YME1L1: variants seen among roughly 807,000 people sequenced by gnomAD.
YME1L1 encodes ATP-dependent zinc metalloprotease YME1L1.
A neutral mutation model predicts 90.4 loss-of-function variants in YME1L1; 39 were observed. The observed-to-expected ratio is 0.43, with a 90% CI of 0.33 to 0.56. The LOEUF is 0.56. Among genes scored for constraint, YME1L1 ranks in the 20% least tolerant of loss-of-function variants. The pLI is 0.03. For missense variants in YME1L1, 617 were observed against 868.4 expected (o/e 0.71, Z 3.64); for synonymous variants, 284 against 287.3 (o/e 0.99, Z 0.12).
rs1464231311 is a variant in YME1L1, at chr10:27,111,907, A to G, written c.*70T>C. 2 of 1,564,908 alleles carry G rather than the reference A, an allele frequency of 1.3e-6. No homozygotes were observed. Among genetic ancestry groups the G allele is most frequent in the Non-Finnish European group, 1.8e-6 (2 of 1,137,410 alleles). ...TCAAGAATGAGGGGAAAGCGTTGTA[A>G]AAGTAGACTACTGCAATGCTACTTG... is the stretch of plus-strand genomic sequence containing the variant. On this transcript the variant is annotated 3_prime_UTR_variant, in exon 19 of 19. Transcript: ENST00000376016.
chr10:27,119,636 C>G (rs552945769), intron 13 of YME1L1, among the ~76,000 whole-genome samples, 187 bp from the exon 14 acceptor site: 1 of 152,202 alleles, frequency 6.6e-6, no homozygotes, highest in South Asian at 2.1e-4. Context: ...TGGTGAAACC[C>G]CATCTCTACT....
At chr10:27,130,931 T>C (rs1324352513) in intron 8 of YME1L1, among the ~76,000 whole-genome samples, 2 of 152,240 alleles carry the variant, frequency 1.3e-5, no homozygotes, top group Non-Finnish European at 2.9e-5. Context: ...GTGGCTCTTT[T>C]TGACTCCTCT....
chr10:27,140,123 C>A (rs2057071621), intron 4 of YME1L1, among the ~76,000 whole-genome samples: 1 of 152,096 alleles, frequency 6.6e-6, no homozygotes, highest in African/African-American at 2.4e-5. Flanking sequence ...CCTCAGCCTC[C>A]CGAGTAGCTG....
At chr10:27,147,235 G>C (rs2057153361) in intron 2 of YME1L1, 1 of 616,646 alleles carries the variant, frequency 1.6e-6, no homozygotes, top group Non-Finnish European at 2.8e-6. Context: ...GCTCGAGCCT[G>C]TAATCCCAAC....
chr10:27,143,033 T>C (rs1450561468), intron 3 of YME1L1, among the ~76,000 whole-genome samples: 1 of 152,022 alleles, frequency 6.6e-6, no homozygotes, highest in Non-Finnish European at 1.5e-5. Flanking sequence ...ATCTTTTTTA[T>C]CTGGCATACA....
chr10:27,147,134 T>C (rs1366934492), intron 2 of YME1L1: 2 of 478,214 alleles, frequency 4.2e-6, no homozygotes, highest in Non-Finnish European at 7.4e-6. Flanking sequence ...TGAAGAGCCA[T>C]GTTTGAATTT....
intron 8 of YME1L1, among the ~76,000 whole-genome samples, chr10:27,130,701 A>C (rs10829193): frequency 0.24 from 36,493 of 151,852 alleles, 4,896 homozygotes; most frequent in East Asian, 0.56. Flanking sequence ...AAAACACAAA[A>C]AATTAGCTGG....
At chr10:27,152,604 TCAATAGGC>T (rs2057233380) in intron 1 of YME1L1, among the ~76,000 whole-genome samples, 1 of 152,168 alleles carries the variant, frequency 6.6e-6, no homozygotes, top group Non-Finnish European at 1.5e-5. Flanking sequence ...AATACCATAT[TCAATAGGC>T]CATGTCAGAC....
intron 1 of YME1L1, among the ~76,000 whole-genome samples, chr10:27,149,728 A>G (rs559138755): frequency 2.0e-5 from 3 of 147,410 alleles, no homozygotes; most frequent in Non-Finnish European, 4.5e-5. Context: ...AAAAAAAAAA[A>G]AAAAAAAAGA....
chr10:27,152,804 C>T (rs775387704), intron 1 of YME1L1, among the ~76,000 whole-genome samples: 2 of 149,816 alleles, frequency 1.3e-5, no homozygotes, highest in Non-Finnish European at 3.0e-5. Flanking sequence ...ACTGCAACAG[C>T]TTTAATTGGG....
In YME1L1 at chr10:27,142,492, G is replaced by T; in HGVS notation, c.332-7C>A. 7.2e-7 allele frequency: 1 copy of T among 1,385,612 alleles called. No individual in the cohort carries two copies. The highest frequency in any genetic ancestry group is 9.5e-7 in the Non-Finnish European group (1 of 1,050,146). 85.8% of individuals were successfully genotyped at this position (1,385,612 alleles called of 1,614,324 possible). ...CTAAATATATCTAAGTTACCTGGAGGGAAATTGCAAAAAGTAAATTTTCTA... is the reference window on the plus strand; with the variant it reads ...CTAAATATATCTAAGTTACCTGGAGTGAAATTGCAAAAAGTAAATTTTCTA... On this transcript the variant is annotated splice_region_variant and splice_polypyrimidine_tract_variant and intron_variant, in intron 3 of 18. Coordinates refer to ENST00000376016, the MANE Select transcript of YME1L1 (RefSeq NM_014263.4).
At chr10:27,141,410 T>C (rs939001739) in intron 4 of YME1L1, among the ~76,000 whole-genome samples, 1 of 152,124 alleles carries the variant, frequency 6.6e-6, no homozygotes, top group Non-Finnish European at 1.5e-5. Context: ...GTCATCAGTA[T>C]TGACTACAAA....
At chr10:27,142,254 C>G in intron 4 of YME1L1, 133 bp downstream of exon 4, 1 of 512,746 alleles carries the variant, frequency 2.0e-6, no homozygotes, top group Non-Finnish European at 3.3e-6. Context: ...TACCCAAACT[C>G]ATTAATTCCA....
intron 15 of YME1L1, among the ~76,000 whole-genome samples, chr10:27,117,260 C>T (rs557461879): frequency 5.9e-5 from 9 of 152,174 alleles, no homozygotes; most frequent in African/African-American, 1.7e-4. Context: ...TTTGGGGCAG[C>T]GGAGTAATTA....
chr10:27,136,501 A>T (rs943987525), intron 4 of YME1L1, 116 bp from the exon 5 acceptor site: 2 of 771,786 alleles, frequency 2.6e-6, no homozygotes, highest in African/African-American at 1.8e-5. Context: ...AATTTGCCTG[A>T]CACTTCAATA....
rs2056760828 is a variant in YME1L1, at chr10:27,111,758, T to G, written c.*219A>C. 1.5e-6 allele frequency: 1 copy of G among 649,694 alleles called. No homozygotes were observed. Among genetic ancestry groups the G allele is most frequent in the Admixed American group, 2.3e-5 (1 of 42,886 alleles). The allele number at this position is 649,694 out of a possible 1,614,324, so 40.2% of individuals were successfully genotyped here. On this transcript the variant is annotated 3_prime_UTR_variant, in exon 19 of 19. Transcript: ENST00000376016. ...TGTTTTCAATCCTGATAGTTCTTTA[T>G]TTTTTCAAAATATATTTGCCATGGG...
rs1231891129 is a variant in YME1L1 at position 27,116,202 on chromosome 10, C to T, written c.1846+17G>A. 9 of 1,613,856 alleles carry T rather than the reference C, an allele frequency of 5.6e-6. No homozygotes were observed. Among genetic ancestry groups the T allele is most frequent in the East Asian group, 2.2e-5 (1 of 44,890 alleles). On this transcript the variant is annotated intron_variant, in intron 16 of 18. Coordinates refer to ENST00000376016, the MANE Select transcript of YME1L1 (RefSeq NM_014263.4). ...GACCACATATAATTTGAACTAAAGC[C>T]ATTCTTTAAAGCTAACCTGTTGTAA... is the stretch of plus-strand genomic sequence containing the variant.
rs563835268 is a variant in YME1L1 at position 27,147,493 on chromosome 10, T to C, written c.168+1413A>G. 1 of 1,613,686 alleles carries C rather than the reference T, an allele frequency of 6.2e-7. No homozygotes were observed. Among genetic ancestry groups the C allele is most frequent in the South Asian group, 1.1e-5 (1 of 91,070 alleles). On this transcript the variant is annotated intron_variant, in intron 2 of 18. Coordinates refer to ENST00000376016, the MANE Select transcript of YME1L1 (RefSeq NM_014263.4). Reference sequence around the variant, plus strand: ...AATAGGCATTTGGAGAAACCCGCAGTGTACAGGGATTGAGAGGGAGAAGGG... The same window carrying C: ...AATAGGCATTTGGAGAAACCCGCAGCGTACAGGGATTGAGAGGGAGAAGGG...
rs1337613361 is a variant in YME1L1 at position 27,129,116 on chromosome 10, C to A, written c.859-2330G>T. 26 of 118,578 alleles carry A rather than the reference C, an allele frequency of 2.2e-4. 1 individual carries two copies. Among genetic ancestry groups the A allele is most frequent in the East Asian group, 1.3e-3 (3 of 2,258 alleles). 7.3% of individuals were successfully genotyped at this position (118,578 alleles called of 1,614,324 possible). On this transcript the variant is annotated intron_variant, in intron 8 of 18. Transcript: ENST00000376016. ...AAAAAAAAAAAAAAAAAAAAAAACT[C>A]TCATTCCAAAAGAAGTGTGATATAT...
Sources: allele counts gnomAD v4.1 joint callset (sites outside exome capture counted in the v4.1 genomes callset), GRCh38; gene constraint gnomAD v4.1.1; transcripts MANE v1.5; gene names NCBI Gene and HGNC (gene_info 2026-07-23, HGNC 2026-07-21).